HAPLN1: variants seen among roughly 807,000 people sequenced by gnomAD.
HAPLN1 encodes Cartilage link protein.
A neutral mutation model predicts 36.5 loss-of-function variants in HAPLN1; 13 were observed. That is an observed-to-expected ratio of 0.36 (90% CI 0.23 to 0.57). The LOEUF (loss-of-function observed/expected upper bound fraction) is 0.57. HAPLN1 is among the 20% of genes least tolerant of loss of function. The pLI, the probability that HAPLN1 is intolerant of heterozygous loss-of-function variation, is 0.83. For missense variants in HAPLN1, 407 were observed against 439.7 expected (o/e 0.93, Z 0.66); for synonymous variants, 202 against 169.8 (o/e 1.19, Z -1.48).
At chr5:83,699,914 T>G (rs1178979359) in intron 1 of HAPLN1, among the ~76,000 whole-genome samples, 1 of 152,102 alleles carries the variant, frequency 6.6e-6, no homozygotes, top group Non-Finnish European at 1.5e-5. Context: ...AATTGTTTTA[T>G]TTAAAAACTA....
intron 1 of HAPLN1, chr5:83,673,879 AT>A (rs979209618): frequency 7.2e-4 from 159 of 221,550 alleles, no homozygotes; most frequent in African/African-American, 3.4e-3. Flanking sequence ...TCTTAAAAAA[AT>A]GTAAGCCTCT....
At chr5:83,657,103 T>C (rs908981044) in intron 2 of HAPLN1, among the ~76,000 whole-genome samples, 11 of 151,958 alleles carry the variant, frequency 7.2e-5, no homozygotes, top group African/African-American at 2.7e-4. Flanking sequence ...TTTTCTTTTT[T>C]TTTTTTTTTA....
chr5:83,675,028 T>G (rs1750828970), intron 1 of HAPLN1, among the ~76,000 whole-genome samples: 1 of 152,212 alleles, frequency 6.6e-6, no homozygotes, highest in Non-Finnish European at 1.5e-5. Context: ...AGCTTCAAAA[T>G]TCTACCTGAT....
At chr5:83,666,821 A>G (rs1460382628) in intron 2 of HAPLN1, among the ~76,000 whole-genome samples, 1 of 151,890 alleles carries the variant, frequency 6.6e-6, no homozygotes, top group Non-Finnish European at 1.5e-5. Context: ...CACTGAGGAG[A>G]TGGTTTATAT....
At chr5:83,651,073 T>A (rs1301668447) in intron 3 of HAPLN1, among the ~76,000 whole-genome samples, 2 of 152,214 alleles carry the variant, frequency 1.3e-5, no homozygotes, top group Non-Finnish European at 2.9e-5. Flanking sequence ...ATTTAGAGTT[T>A]AATTTTGTAA....
chr5:83,669,804 T>C (rs1235477750), intron 2 of HAPLN1, among the ~76,000 whole-genome samples: 1 of 152,160 alleles, frequency 6.6e-6, no homozygotes, highest in Non-Finnish European at 1.5e-5. Flanking sequence ...ACTTTCCACA[T>C]ATTATCTCAT....
chr5:83,659,177 G>A (rs185338953), intron 2 of HAPLN1, among the ~76,000 whole-genome samples: 50 of 152,160 alleles, frequency 3.3e-4, no homozygotes, highest in African/African-American at 1.1e-3. Context: ...GGGAGGCCGA[G>A]GCAGGAGAAT....
chr5:83,682,934 C>T lies in HAPLN1; in HGVS notation c.-26-9385G>A, dbSNP rs182349339. Among the ~76,000 whole-genome samples the T allele has an allele frequency of 3.9e-4, 59 of 152,152 alleles. No individual in the cohort carries two copies. In the East Asian group the frequency reaches 4.6e-3, roughly 12 times the overall value. ...CAGGAATTTGTTCATCCTGAAAACA[C>T]ATAAAATCATTTAATCAACTTTCTT... On this transcript the variant is annotated intron_variant, in intron 1 of 4. Transcript: ENST00000274341.
intron 2 of HAPLN1, among the ~76,000 whole-genome samples, chr5:83,663,102 G>A (rs1243537284): frequency 6.6e-6 from 1 of 152,168 alleles, no homozygotes. Flanking sequence ...GACATGATGA[G>A]GATGATAAAG....
intron 1 of HAPLN1, among the ~76,000 whole-genome samples, chr5:83,687,978 G>A (rs1751172517): frequency 6.6e-6 from 1 of 152,124 alleles, no homozygotes; most frequent in Non-Finnish European, 1.5e-5. Context: ...TAGGCCATGT[G>A]GGATGAGGTA....
At chr5:83,658,070 A>G (rs2112575138) in intron 2 of HAPLN1, among the ~76,000 whole-genome samples, 1 of 152,266 alleles carries the variant, frequency 6.6e-6, no homozygotes, top group South Asian at 2.1e-4. Context: ...TGACATTCCA[A>G]ACTGATAGAC....
chr5:83,711,607 G>A (rs1561326122), intron 1 of HAPLN1, among the ~76,000 whole-genome samples: 1 of 152,136 alleles, frequency 6.6e-6, no homozygotes. Context: ...TGGACCCGTA[G>A]TTGAGAACAA....
At chr5:83,667,580 G>A (rs1030888694) in intron 2 of HAPLN1, among the ~76,000 whole-genome samples, 8 of 152,076 alleles carry the variant, frequency 5.3e-5, no homozygotes, top group Admixed American at 2.6e-4. Context: ...TCAAAAAGAC[G>A]AAAATGAATT....
intron 1 of HAPLN1, among the ~76,000 whole-genome samples, chr5:83,707,782 A>G (rs1751685804): frequency 6.6e-6 from 1 of 152,186 alleles, no homozygotes; most frequent in African/African-American, 2.4e-5. Context: ...TAAACTGTGA[A>G]CAGAGTAAAC....
At chr5:83,718,042 G>T (rs1038659106) in intron 1 of HAPLN1, among the ~76,000 whole-genome samples, 2 of 152,186 alleles carry the variant, frequency 1.3e-5, no homozygotes, top group African/African-American at 4.8e-5. Flanking sequence ...AGTGATTTAA[G>T]ATGGTCAAAC....
At position 83,673,463 on chromosome 5, in the gene HAPLN1, T is replaced by C; in HGVS notation, c.61A>G (p.Asn21Asp). ...SICWADHLSDNYTLDHDRAIH... is the reference protein window; with the variant it reads ...SICWADHLSDDYTLDHDRAIH... ...GCTCTGTCATGATCCAGAGTATAGT[T>C]GTCTGAAAGATGATCAGCCCAGCAG... is the stretch of plus-strand genomic sequence containing the variant. The change falls in exon 2 of 5, where the codon AAC (asparagine) becomes GAC (aspartate). Residue 21 changes from asparagine to aspartate, a missense_variant. Physicochemically the swap from Asn to Asp is conservative, Grantham distance 23 (BLOSUM62 1). Coordinates refer to ENST00000274341, the MANE Select transcript of HAPLN1 (RefSeq NM_001884.4). The C allele has an allele frequency of 1.2e-6, 2 of 1,613,570 alleles. No homozygotes were observed. Among genetic ancestry groups the C allele is most frequent in the Middle Eastern group, 3.3e-4 (2 of 6,058 alleles).
intron 1 of HAPLN1, among the ~76,000 whole-genome samples, chr5:83,675,754 T>C (rs1029587319): frequency 4.6e-5 from 7 of 152,330 alleles, no homozygotes; most frequent in African/African-American, 1.7e-4. Flanking sequence ...TTTCATGGAA[T>C]GTCTACTGTT....
intron 1 of HAPLN1, among the ~76,000 whole-genome samples, chr5:83,676,000 T>A (rs1451323971): frequency 2.6e-5 from 4 of 152,248 alleles, no homozygotes; most frequent in Non-Finnish European, 4.4e-5. Context: ...GACTTTGACT[T>A]GTGTTATATA....
intron 1 of HAPLN1, among the ~76,000 whole-genome samples, chr5:83,677,143 C>T (rs1478850367): frequency 6.6e-6 from 1 of 152,112 alleles, no homozygotes; most frequent in East Asian, 1.9e-4. Context: ...ACTTCATGTG[C>T]CTTGAGAGCT....
Sources: allele counts gnomAD v4.1 joint callset (sites outside exome capture counted in the v4.1 genomes callset), GRCh38; gene constraint gnomAD v4.1.1; transcripts MANE v1.5; gene names NCBI Gene and HGNC (gene_info 2026-07-23, HGNC 2026-07-21).